SMARCC1: variants seen among roughly 807,000 people sequenced by gnomAD.
The protein encoded by SMARCC1 is SWI/SNF related BAF chromatin remodeling complex subunit C1.
Under a neutral mutation model 147.4 loss-of-function variants are expected in SMARCC1, and 43 were observed. That is an observed-to-expected ratio of 0.29 (90% CI 0.23 to 0.38). SMARCC1 has a LOEUF of 0.38. SMARCC1 is among the 10% of genes least tolerant of loss of function. SMARCC1 has a pLI of 1.00. For missense variants in SMARCC1, 1,119 were observed against 1,381.1 expected (o/e 0.81, Z 3.01); for synonymous variants, 495 against 484.4 (o/e 1.02, Z -0.29).
chr3:47,726,494 TA>T (rs2034301918), intron 6 of SMARCC1, among the ~76,000 whole-genome samples: 1 of 152,190 alleles, frequency 6.6e-6, no homozygotes, highest in Admixed American at 6.5e-5. Context: ...ACGGTAAACA[TA>T]AAATTTACCA....
chr3:47,634,977 A>C (rs1215817304), intron 24 of SMARCC1, among the ~76,000 whole-genome samples: 2 of 152,224 alleles, frequency 1.3e-5, no homozygotes, highest in Non-Finnish European at 2.9e-5. Flanking sequence ...AAATGGTATA[A>C]TGAATGGAAT....
chr3:47,757,628 C>T (rs578109508), intron 2 of SMARCC1, among the ~76,000 whole-genome samples: 49 of 151,712 alleles, frequency 3.2e-4, no homozygotes, highest in African/African-American at 1.1e-3. Context: ...ACTAAAAATA[C>T]AAAAACTTAG....
intron 7 of SMARCC1, among the ~76,000 whole-genome samples, chr3:47,714,874 C>T (rs1016211924): frequency 1.3e-5 from 2 of 152,150 alleles, no homozygotes; most frequent in Non-Finnish European, 2.9e-5. Context: ...CACTTTTGTC[C>T]TTACTATTCT....
intron 8 of SMARCC1, among the ~76,000 whole-genome samples, chr3:47,711,790 C>G (rs978867640): frequency 1.3e-5 from 2 of 152,184 alleles, no homozygotes; most frequent in African/African-American, 4.8e-5. Flanking sequence ...CCCTTGAAAA[C>G]TATAGTTACA....
chr3:47,666,787 C>T (rs1576404615), intron 19 of SMARCC1, among the ~76,000 whole-genome samples: 1 of 151,664 alleles, frequency 6.6e-6, no homozygotes, highest in East Asian at 1.9e-4. Flanking sequence ...TATGTGTGGC[C>T]CAATGTGGCC....
At chr3:47,656,444 A>ATT (rs1366947813) in intron 21 of SMARCC1, among the ~76,000 whole-genome samples, 2 of 152,234 alleles carry the variant, frequency 1.3e-5, no homozygotes, top group Non-Finnish European at 2.9e-5. Context: ...TTCAGAGCTA[A>ATT]CCAGCAAAGG....
intron 25 of SMARCC1, among the ~76,000 whole-genome samples, chr3:47,620,961 T>C (rs565787265): frequency 6.6e-6 from 1 of 152,214 alleles, no homozygotes; most frequent in East Asian, 1.9e-4. Context: ...AAAATATAAC[T>C]AATATTCAAC....
intron 21 of SMARCC1, among the ~76,000 whole-genome samples, chr3:47,644,082 C>T (rs185880717): frequency 2.0e-5 from 3 of 151,780 alleles, no homozygotes; most frequent in East Asian, 3.9e-4. Flanking sequence ...CTTGGGAGGC[C>T]GAGGAAAAGG....
chr3:47,683,075 C>T (rs914694521), intron 14 of SMARCC1, among the ~76,000 whole-genome samples: 2 of 152,234 alleles, frequency 1.3e-5, no homozygotes, highest in Non-Finnish European at 2.9e-5. Flanking sequence ...CGGAGTCTCG[C>T]TCTGTCGCCC....
At chr3:47,759,618 C>CAA (rs796811233) in intron 2 of SMARCC1, among the ~76,000 whole-genome samples, 68 of 63,784 alleles carry the variant, frequency 1.1e-3, no homozygotes, top group African/African-American at 3.2e-3. Flanking sequence ...GACTCCGTCT[C>CAA]AAAAAAAAAA....
intron 26 of SMARCC1, among the ~76,000 whole-genome samples, chr3:47,594,873 A>T (rs1227897414): frequency 6.6e-6 from 1 of 152,184 alleles, no homozygotes; most frequent in Non-Finnish European, 1.5e-5. Flanking sequence ...CCCCCAGGGG[A>T]TATGCTGCAG....
chr3:47,623,134 C>CTTT (rs763911271), intron 24 of SMARCC1, among the ~76,000 whole-genome samples: 11 of 67,432 alleles, frequency 1.6e-4, no homozygotes, highest in East Asian at 4.1e-4. Flanking sequence ...CTACACAAGG[C>CTTT]TTTTTTTTTT....
intron 21 of SMARCC1, among the ~76,000 whole-genome samples, chr3:47,651,140 A>AT (rs1358071384): frequency 1.3e-5 from 2 of 152,116 alleles, no homozygotes; most frequent in African/African-American, 4.8e-5. Context: ...CCCTGCCTCT[A>AT]TAAAAAACAC....
chr3:47,763,671 A>C (rs994420616), intron 2 of SMARCC1, among the ~76,000 whole-genome samples: 1 of 151,802 alleles, frequency 6.6e-6, no homozygotes, highest in Non-Finnish European at 1.5e-5. Context: ...ATATATATAT[A>C]CAGTATTCTG....
At chr3:47,640,828 A>C (rs958785112) in intron 21 of SMARCC1, among the ~76,000 whole-genome samples, 6 of 152,160 alleles carry the variant, frequency 3.9e-5, no homozygotes, top group Non-Finnish European at 7.4e-5. Context: ...ACAAACGAAA[A>C]ACTAAGCAAA....
chr3:47,765,465 A>T (rs2034828078), intron 2 of SMARCC1, among the ~76,000 whole-genome samples: 1 of 146,644 alleles, frequency 6.8e-6, no homozygotes. Context: ...GAAGTTGTTT[A>T]AAAAAAAAAA....
At chr3:47,659,898 G>A (rs2033321068) in intron 21 of SMARCC1, among the ~76,000 whole-genome samples, 1 of 151,790 alleles carries the variant, frequency 6.6e-6, no homozygotes, top group African/African-American at 2.4e-5. Flanking sequence ...GGCTATTACA[G>A]GTAAAAATGG....
rs750413868 is a variant in SMARCC1 at position 47,781,751 on chromosome 3, G to A, written c.47C>T (p.Ala16Val). ...GGGGPGTAVG[A>V]TGSGIAAAAA... Reference sequence around the variant, plus strand: ...TGCCGCCGCAATCCCCGAGCCCGTGGCGCCTACCGCTGTCCCCGGCCCGCC... The same window carrying A: ...TGCCGCCGCAATCCCCGAGCCCGTGACGCCTACCGCTGTCCCCGGCCCGCC... The change falls in exon 1 of 28, where the codon GCC (alanine) becomes GTC (valine). Residue 16 changes from alanine (A) to valine (V), a missense_variant. Ala to Val is a moderately conservative substitution (Grantham distance 64). Around this residue, in one of 6 missense-constraint regions of SMARCC1, gnomAD observed 542 missense variants for 611.8 expected, o/e 0.89. Coordinates refer to ENST00000254480, the MANE Select transcript of SMARCC1 (RefSeq NM_003074.4). 5 of 1,526,732 alleles carry A rather than the reference G, an allele frequency of 3.3e-6. No homozygotes were observed. In the African/African-American group the frequency reaches 5.7e-5, roughly 18 times the overall value. The allele number at this position is 1,526,732 out of a possible 1,614,324, so 94.6% of individuals were successfully genotyped here. A position where few individuals can be genotyped will look rare whatever the true frequency, so the allele number is the denominator to read the frequency against.
chr3:47,646,010 G>T (rs1250372026), intron 21 of SMARCC1, among the ~76,000 whole-genome samples: 2 of 152,084 alleles, frequency 1.3e-5, no homozygotes, highest in African/African-American at 4.8e-5. Context: ...GACTTTTAAG[G>T]TGATGTCTGT....
Sources: gnomAD v4.1 joint callset for allele counts (sites outside exome capture counted in the v4.1 genomes callset) on GRCh38, gnomAD v4.1.1 for gene constraint, gnomAD v4.1.1 regional missense constraint, MANE v1.5 for transcripts, NCBI Gene and HGNC (gene_info 2026-07-23, HGNC 2026-07-21) for gene names.